The following CCND3 variants were observed in gnomAD, a reference collection of about 807,000 sequenced individuals.
CCND3 encodes the protein cyclin D3.
A neutral mutation model predicts 28.7 loss-of-function variants in CCND3; 9 were observed. The ratio of observed to expected loss-of-function variants is 0.31; its 90% confidence interval spans 0.19 to 0.55. The LOEUF (loss-of-function observed/expected upper bound fraction) is 0.55. CCND3 is among the 20% of genes least tolerant of loss of function. CCND3 has a pLI of 0.93. For synonymous variants in CCND3, 164 were observed against 163.9 expected (o/e 1.00, Z 0.00); for missense variants, 315 against 385.8 (o/e 0.82, Z 1.54).
intron 1 of CCND3, among the ~76,000 whole-genome samples, chr6:42,044,352 C>T (rs1764465348): frequency 6.6e-6 from 1 of 152,176 alleles, no homozygotes; most frequent in South Asian, 2.1e-4. Context: ...TCTTCATTCA[C>T]CCAATCCAGT....
chr6:42,034,291 G>A (rs2127437884), intron 1 of CCND3, among the ~76,000 whole-genome samples: 1 of 151,220 alleles, frequency 6.6e-6, no homozygotes. Flanking sequence ...GGGATTACAG[G>A]TGCCCGCCAC....
At chr6:41,953,999 C>A (rs190180414) in intron 1 of CCND3, among the ~76,000 whole-genome samples, 4 of 151,808 alleles carry the variant, frequency 2.6e-5, no homozygotes, top group African/African-American at 7.2e-5. Flanking sequence ...GCCTTTAATC[C>A]CAGCACTTTG....
intron 1 of CCND3, among the ~76,000 whole-genome samples, chr6:41,981,785 A>T (rs1299143186): frequency 6.6e-6 from 1 of 151,746 alleles, no homozygotes; most frequent in African/African-American, 2.4e-5. Context: ...CAGCCTCCCA[A>T]AGTGCTGGGA....
intron 1 of CCND3, among the ~76,000 whole-genome samples, chr6:42,021,207 G>A (rs1763703028): frequency 2.0e-5 from 3 of 152,158 alleles, no homozygotes; most frequent in African/African-American, 7.2e-5. Context: ...CTTACTGTAC[G>A]TAATTTATAC....
At chr6:42,041,241 T>C (rs1016864432) in intron 1 of CCND3, among the ~76,000 whole-genome samples, 1 of 152,160 alleles carries the variant, frequency 6.6e-6, no homozygotes, top group Non-Finnish European at 1.5e-5. Flanking sequence ...GTCCAGTGAC[T>C]GAAAAAAGTT....
At chr6:42,022,180 C>T (rs376701176) in intron 1 of CCND3, among the ~76,000 whole-genome samples, 2 of 152,190 alleles carry the variant, frequency 1.3e-5, no homozygotes, top group South Asian at 4.1e-4. Context: ...GATCCACGAT[C>T]ATCTTGCCAG....
At chr6:42,041,492 A>G (rs1391584554) in intron 1 of CCND3, among the ~76,000 whole-genome samples, 1 of 152,232 alleles carries the variant, frequency 6.6e-6, no homozygotes, top group Non-Finnish European at 1.5e-5. Flanking sequence ...TTGTAACCCC[A>G]GGATGAAAAT....
At chr6:41,964,394 ATGTGTGAATGTGTGTGTCTG>A (rs555722905) in intron 1 of CCND3, among the ~76,000 whole-genome samples, 429 of 140,282 alleles carry the variant, frequency 3.1e-3, no homozygotes, top group East Asian at 0.012. Flanking sequence ...GTGTGTGTGC[ATGTGTGAATGTGTGTGTCTG>A]TGTGTGAATG....
At chr6:42,033,972 T>C (rs1381424303) in intron 1 of CCND3, among the ~76,000 whole-genome samples, 5 of 152,176 alleles carry the variant, frequency 3.3e-5, no homozygotes, top group East Asian at 1.9e-4. Flanking sequence ...CTGGGCAACA[T>C]AGAAGAAACG....
At chr6:41,993,689 G>T (rs1244808556) in intron 1 of CCND3, among the ~76,000 whole-genome samples, 1 of 151,636 alleles carries the variant, frequency 6.6e-6, no homozygotes, top group Non-Finnish European at 1.5e-5. Context: ...CTGGCTGGGT[G>T]CAGTGGTTCA....
In CCND3 at chr6:42,042,364, G is replaced by GTTT. The variant is rs34181861; in HGVS notation, c.-46+6134_-46+6136dup. Among the ~76,000 whole-genome samples the GTTT allele has an allele frequency of 1.3e-4, 19 of 144,630 alleles. 1 individual carries two copies. Among genetic ancestry groups the GTTT allele is most frequent in the East Asian group, 8.1e-4 (4 of 4,944 alleles). 94.9% of individuals were successfully genotyped at this position (144,630 alleles called of 152,430 possible). On this transcript the variant is annotated intron_variant, in intron 1 of 4. Transcript: ENST00000372988. ...TAGGGAAGCGTAGGCTCGGAAGTGG[G>GTTT]TTTTTTTTTTTTTGAGACGGAGTTC...
chr6:41,964,485 A>AAT (rs371246400), intron 1 of CCND3, among the ~76,000 whole-genome samples: 15,843 of 88,982 alleles, frequency 0.18, 910 homozygotes, highest in East Asian at 0.31. Flanking sequence ...AGTGTGTGTG[A>AAT]ATGTGTGTGT....
At position 41,940,544 on chromosome 6, in the gene CCND3, C is replaced by T. The variant is rs1043463322; in HGVS notation, c.240G>A (p.Leu80=). The T allele has an allele frequency of 1.9e-6, 3 of 1,613,794 alleles. No homozygotes were observed. Among genetic ancestry groups the T allele is most frequent in the Non-Finnish European group, 2.5e-6 (3 of 1,179,950 alleles). The part of the protein sequence containing the change: ...EQRCEEEVFP[L]AMNYLDRYLS... Reference sequence around the variant, plus strand: ...GGTAGCGATCCAGGTAGTTCATGGCCAGGGGGAAGACTTCCTCCTCACAGC... The same window carrying T: ...GGTAGCGATCCAGGTAGTTCATGGCTAGGGGGAAGACTTCCTCCTCACAGC... The change falls in exon 2 of 5, where the codon CTG becomes CTA. Residue 80 remains leucine (L), a synonymous_variant. Transcript: ENST00000372991.
At chr6:42,000,964 C>T (rs1007896746) in intron 1 of CCND3, among the ~76,000 whole-genome samples, 3 of 151,590 alleles carry the variant, frequency 2.0e-5, no homozygotes, top group Admixed American at 6.6e-5. Context: ...AGGTCAGGCA[C>T]GGTGGCTCAC....
chr6:42,039,061 T>C (rs1764301571), intron 1 of CCND3, among the ~76,000 whole-genome samples: 1 of 152,212 alleles, frequency 6.6e-6, no homozygotes. Flanking sequence ...CTATGTACTA[T>C]TTATATGATG....
chr6:41,992,638 G>A (rs979126967), intron 1 of CCND3, among the ~76,000 whole-genome samples: 4 of 151,660 alleles, frequency 2.6e-5, no homozygotes, highest in Non-Finnish European at 4.4e-5. Flanking sequence ...TAGTACAGAC[G>A]GGGTTTCACC....
chr6:41,941,548 C>T lies in CCND3; in HGVS notation c.102G>A (p.Leu34=), dbSNP rs2127395221. 1.9e-6 allele frequency: 3 copies of T among 1,593,282 alleles called. No homozygotes were observed. The East Asian group carries it at 6.8e-5, about 36-fold the overall frequency. ...AGGCGCGGGGTACGTAGCGCTCCTC[C>T]AGGCGGAGCAGGCTCTGCAGGACAC... The part of the protein sequence containing the change: ...DQRVLQSLLR[L]EERYVPRASY... Residue 34 remains leucine, a synonymous_variant, in exon 1 of 5, where the codon CTG becomes CTA. Coordinates refer to ENST00000372991, the MANE Select transcript of CCND3 (RefSeq NM_001760.5). This position sits in a 1 kb window ranked among gnomAD's most constrained non-coding sequence, Gnocchi z 6.1.
chr6:42,026,680 G>A (rs1399617974), intron 1 of CCND3, among the ~76,000 whole-genome samples: 1 of 152,140 alleles, frequency 6.6e-6, no homozygotes, highest in Non-Finnish European at 1.5e-5. Flanking sequence ...CACTATGTAT[G>A]TTCCCCAAAC....
At chr6:41,960,234 T>C (rs1358027442) in intron 1 of CCND3, among the ~76,000 whole-genome samples, 1 of 152,074 alleles carries the variant, frequency 6.6e-6, no homozygotes, top group African/African-American at 2.4e-5. Context: ...GACTGGGTGG[T>C]GGTGATAATG....
Sources: gnomAD v4.1 joint callset for allele counts (sites outside exome capture counted in the v4.1 genomes callset) on GRCh38, gnomAD v4.1.1 for gene constraint, Gnocchi (gnomAD v3.1) non-coding constraint, MANE v1.5 for transcripts, NCBI Gene and HGNC (gene_info 2026-07-23, HGNC 2026-07-21) for gene names.